CRTC3: variants seen among roughly 807,000 people sequenced by gnomAD.
The protein encoded by CRTC3 is CREB-regulated transcription coactivator 3.
CRTC3 carries 26 observed loss-of-function variants against 74.5 expected under a neutral mutation model. The ratio of observed to expected loss-of-function variants is 0.35; its 90% CI spans 0.26 to 0.48. The LOEUF (loss-of-function observed/expected upper bound fraction) is 0.48, where lower values mean the gene tolerates loss of function less well. CRTC3 is among the 20% of genes least tolerant of loss of function. The probability of loss-of-function intolerance (pLI) is 0.99; values close to 1 mark genes in which losing one functional copy is unlikely to be tolerated. For missense variants in CRTC3, 760 were observed against 787.3 expected (o/e 0.97, Z 0.41); for synonymous variants, 377 against 325.8 (o/e 1.16, Z -1.69).
chr15:90,602,272 T>C, intron 3 of CRTC3, 52 bp from the exon 4 acceptor site: 1 of 1,125,062 alleles, frequency 8.9e-7, no homozygotes. Flanking sequence ...ACCTTGTTAA[T>C]TCTGCTTCAT....
intron 2 of CRTC3, among the ~76,000 whole-genome samples, chr15:90,548,048 C>T (rs1966847634): frequency 6.6e-6 from 1 of 152,036 alleles, no homozygotes; most frequent in Non-Finnish European, 1.5e-5. Context: ...AGCCACCACA[C>T]CCGGCCAGTT....
chr15:90,545,867 TG>T (rs1966843515), intron 2 of CRTC3, among the ~76,000 whole-genome samples: 1 of 152,124 alleles, frequency 6.6e-6, no homozygotes, highest in Non-Finnish European at 1.5e-5. Flanking sequence ...CGTGAGCCAC[TG>T]CGCCTGGCCT....
intron 2 of CRTC3, among the ~76,000 whole-genome samples, chr15:90,571,144 A>G (rs12915189): frequency 0.62 from 93,830 of 152,082 alleles, 29,688 homozygotes; most frequent in South Asian, 0.71. Context: ...TGGAGATACA[A>G]TGACCCAGAC....
intron 2 of CRTC3, among the ~76,000 whole-genome samples, chr15:90,541,633 AC>A: frequency 6.6e-6 from 1 of 152,316 alleles, no homozygotes; most frequent in East Asian, 1.9e-4. Flanking sequence ...TTCAGGAAAT[AC>A]AGCATTGTGC....
At chr15:90,598,079 C>G (rs1022118949) in intron 3 of CRTC3, 4 of 210,626 alleles carry the variant, frequency 1.9e-5, no homozygotes, top group Admixed American at 1.7e-4. Context: ...GCCCACTTAC[C>G]CCACCAGCTA....
At chr15:90,632,820 G>T (rs1969089026) in intron 11 of CRTC3, among the ~76,000 whole-genome samples, 1 of 152,176 alleles carries the variant, frequency 6.6e-6, no homozygotes. Context: ...AGCCAGGCTG[G>T]TTTCGAACTC....
intron 9 of CRTC3, among the ~76,000 whole-genome samples, chr15:90,625,428 A>ATAACTT (rs996622311): frequency 2.6e-5 from 4 of 152,262 alleles, no homozygotes; most frequent in Non-Finnish European, 5.9e-5. Context: ...GGTAGCAAAG[A>ATAACTT]TAACTTAAAA....
chr15:90,559,323 G>T (rs894913897), intron 2 of CRTC3, among the ~76,000 whole-genome samples: 17 of 152,146 alleles, frequency 1.1e-4, no homozygotes, highest in African/African-American at 3.9e-4. Flanking sequence ...TGAGAAAACT[G>T]AGTCTTAAGA....
Position 90,596,928 on chromosome 15 carries a change from G to A in CRTC3, c.351+3173G>A, listed in dbSNP as rs150363999. Among the ~76,000 whole-genome samples the A allele has an allele frequency of 6.6e-5, 10 of 152,354 alleles. No homozygotes were observed. The East Asian group carries it at 1.2e-3, about 18-fold the overall frequency. Reference sequence around the variant, plus strand: ...ACTGGCTTAGACAAGGGTTTTAAGGGTTCACTCCTATGATAGGGTGATCTC... The same window carrying A: ...ACTGGCTTAGACAAGGGTTTTAAGGATTCACTCCTATGATAGGGTGATCTC... On this transcript the variant is annotated intron_variant, in intron 3 of 14. Transcript: ENST00000268184.
At chr15:90,616,757 G>C (rs1968503689) in intron 7 of CRTC3, among the ~76,000 whole-genome samples, 1 of 152,216 alleles carries the variant, frequency 6.6e-6, no homozygotes, top group Non-Finnish European at 1.5e-5. Flanking sequence ...GCACGACTGA[G>C]AGAGTTAAAG....
intron 1 of CRTC3, among the ~76,000 whole-genome samples, chr15:90,537,828 C>T (rs181707221): frequency 3.9e-5 from 6 of 152,328 alleles, no homozygotes; most frequent in Admixed American, 3.9e-4. Flanking sequence ...GCATGCACCA[C>T]CACAGCTGGC....
intron 2 of CRTC3, among the ~76,000 whole-genome samples, chr15:90,546,263 A>T (rs770299999): frequency 6.6e-6 from 1 of 152,104 alleles, no homozygotes; most frequent in Non-Finnish European, 1.5e-5. Context: ...TTGCATAGGG[A>T]TGTTAAATTG....
In CRTC3 at chr15:90,607,406, A is replaced by C; in HGVS notation, c.505A>C (p.Ser169Arg). The C allele has an allele frequency of 1.9e-6, 3 of 1,613,170 alleles. No homozygotes were observed. The Middle Eastern group carries it at 5.0e-4, about 266-fold the overall frequency. The change falls in exon 6 of 15, where the codon AGT (serine) becomes CGT (arginine). Residue 169 changes from serine (S) to arginine (R), a missense_variant. Around this residue, in one of 2 missense-constraint regions of CRTC3, gnomAD observed 652 missense variants for 635.2 expected, o/e 1.03. Coordinates refer to ENST00000268184, the MANE Select transcript of CRTC3 (RefSeq NM_022769.5). ...CAATTCTGATTCTGCTCTTCACACG[A>C]GTGCTCTGAGTACCAAGCCCCAGGA... is the stretch of plus-strand genomic sequence containing the variant. ...RTNSDSALHT[S>R]ALSTKPQDPY...
At chr15:90,600,487 T>A (rs996073549) in intron 3 of CRTC3, 9 of 152,234 alleles carry the variant, frequency 5.9e-5, no homozygotes, top group Non-Finnish European at 1.3e-4. Context: ...GTTCACTGTT[T>A]CCTGAGAGGC....
At chr15:90,545,797 C>T (rs1445547039) in intron 2 of CRTC3, among the ~76,000 whole-genome samples, 3 of 152,082 alleles carry the variant, frequency 2.0e-5, no homozygotes, top group Non-Finnish European at 2.9e-5. Context: ...CCAGGATGGT[C>T]TCCATCTCCT....
intron 6 of CRTC3, chr15:90,614,190 C>T (rs1403058214): frequency 1.1e-5 from 4 of 363,536 alleles, no homozygotes; most frequent in Non-Finnish European, 2.0e-5. Context: ...AAATTGTTCT[C>T]CTCTCAGGAC....
At chr15:90,611,434 C>G (rs1968354125) in intron 6 of CRTC3, among the ~76,000 whole-genome samples, 1 of 152,144 alleles carries the variant, frequency 6.6e-6, no homozygotes, top group Non-Finnish European at 1.5e-5. Context: ...TGTCCTGTTT[C>G]CAGAGAGCCA....
At chr15:90,632,825 G>A (rs1228334302) in intron 11 of CRTC3, among the ~76,000 whole-genome samples, 15 of 152,138 alleles carry the variant, frequency 9.9e-5, no homozygotes, top group Non-Finnish European at 1.5e-4. Context: ...GGCTGGTTTC[G>A]AACTCCTGAC....
intron 2 of CRTC3, 138 bp downstream of exon 2, chr15:90,540,275 TTCTC>T: frequency 4.9e-6 from 3 of 608,452 alleles, no homozygotes; most frequent in Admixed American, 3.4e-5. Context: ...TCCATTAATA[TTCTC>T]TCTCATAGTT....
Sources: gnomAD v4.1 joint callset for allele counts (sites outside exome capture counted in the v4.1 genomes callset) on GRCh38, gnomAD v4.1.1 for gene constraint, gnomAD v4.1.1 regional missense constraint, MANE v1.5 for transcripts, NCBI Gene and HGNC (gene_info 2026-07-23, HGNC 2026-07-21) for gene names.